LRRTM4: variants seen among roughly 807,000 people sequenced by gnomAD.
LRRTM4 encodes the protein leucine rich repeat transmembrane neuronal 4.
Under a neutral mutation model 47.6 loss-of-function variants are expected in LRRTM4, and 25 were observed. That is an observed-to-expected ratio of 0.53 (90% confidence interval 0.38 to 0.73). LRRTM4 has a LOEUF of 0.73. LRRTM4 is among the 30% of genes least tolerant of loss of function. The pLI, the probability that LRRTM4 is intolerant of heterozygous loss-of-function variation, is 0.00. For missense variants in LRRTM4, 638 were observed against 713.4 expected, an observed-to-expected ratio of 0.89 and a Z score of 1.20; for synonymous variants, 311 against 269.5, an observed-to-expected ratio of 1.15 and a Z score of -1.51.
intron 3 of LRRTM4, among the ~76,000 whole-genome samples, chr2:77,443,392 T>C (rs1216710043): frequency 2.0e-5 from 3 of 152,136 alleles, no homozygotes; most frequent in Non-Finnish European, 4.4e-5. Flanking sequence ...CCAGGGAAAA[T>C]ATAATACCCG....
chr2:76,996,488 A>G (rs940110463), intron 3 of LRRTM4, among the ~76,000 whole-genome samples: 2 of 152,112 alleles, frequency 1.3e-5, no homozygotes, highest in Admixed American at 1.3e-4. Flanking sequence ...AATTATGGAG[A>G]AAAGACAACT....
intron 3 of LRRTM4, chr2:77,517,557 A>C (rs952337993): frequency 1.0e-6 from 1 of 985,132 alleles, no homozygotes; most frequent in South Asian, 4.7e-5. Flanking sequence ...CATTCTGATT[A>C]AACACAAATA....
intron 3 of LRRTM4, among the ~76,000 whole-genome samples, chr2:76,903,510 T>C (rs1299429809): frequency 6.6e-6 from 1 of 152,154 alleles, no homozygotes; most frequent in Non-Finnish European, 1.5e-5. Context: ...CACTCCATCC[T>C]GGGCCACAGA....
chr2:76,846,392 A>G (rs1216856912), intron 3 of LRRTM4, among the ~76,000 whole-genome samples: 2 of 152,166 alleles, frequency 1.3e-5, no homozygotes, highest in Non-Finnish European at 2.9e-5. Context: ...GCTCAGAACT[A>G]ATGCTAGTAT....
chr2:76,873,947 T>A (rs182438976), intron 3 of LRRTM4, among the ~76,000 whole-genome samples: 1 of 152,088 alleles, frequency 6.6e-6, no homozygotes, highest in East Asian at 1.9e-4. Context: ...TTTTTCTACC[T>A]TAATATCAAA....
At chr2:77,462,700 C>T (rs1676835757) in intron 3 of LRRTM4, among the ~76,000 whole-genome samples, 2 of 152,074 alleles carry the variant, frequency 1.3e-5, no homozygotes, top group African/African-American at 4.8e-5. Flanking sequence ...TGATGAAATA[C>T]TCCCAAGCAA....
chr2:77,272,044 C>T (rs539187267), intron 3 of LRRTM4, among the ~76,000 whole-genome samples: 1 of 152,042 alleles, frequency 6.6e-6, no homozygotes, highest in Non-Finnish European at 1.5e-5. Context: ...ATTCTTAGTC[C>T]TCCTTCAACA....
At chr2:77,291,529 T>G (rs1021480044) in intron 3 of LRRTM4, among the ~76,000 whole-genome samples, 1 of 152,064 alleles carries the variant, frequency 6.6e-6, no homozygotes, top group African/African-American at 2.4e-5. Flanking sequence ...GCCAGTAAAG[T>G]TCAAAAGCTT....
At chr2:76,936,320 CA>C (rs2103848490) in intron 3 of LRRTM4, among the ~76,000 whole-genome samples, 1 of 151,870 alleles carries the variant, frequency 6.6e-6, no homozygotes, top group South Asian at 2.1e-4. Context: ...CCATCATTCT[CA>C]GCAAACTATC....
chr2:77,409,163 T>C (rs954734037), intron 3 of LRRTM4, among the ~76,000 whole-genome samples: 2 of 152,224 alleles, frequency 1.3e-5, no homozygotes, highest in Admixed American at 6.5e-5. Flanking sequence ...TAACTAAATA[T>C]AATAATATGT....
intron 3 of LRRTM4, among the ~76,000 whole-genome samples, chr2:77,204,639 A>G (rs1303771542): frequency 6.6e-6 from 1 of 152,114 alleles, no homozygotes; most frequent in Non-Finnish European, 1.5e-5. Context: ...TTTGTATGCC[A>G]TGATATTCTG....
intron 3 of LRRTM4, among the ~76,000 whole-genome samples, chr2:76,889,030 A>C (rs974099969): frequency 3.3e-5 from 5 of 151,934 alleles, no homozygotes; most frequent in Non-Finnish European, 7.4e-5. Context: ...ATTTTCATTT[A>C]AACACTGAAT....
intron 3 of LRRTM4, among the ~76,000 whole-genome samples, chr2:77,386,903 T>C (rs967208754): frequency 6.6e-6 from 1 of 152,168 alleles, no homozygotes; most frequent in African/African-American, 2.4e-5. Context: ...TGTATACCTA[T>C]GTAACGAAAC....
intron 3 of LRRTM4, among the ~76,000 whole-genome samples, chr2:76,781,340 C>A (rs937867944): frequency 6.6e-6 from 1 of 151,226 alleles, no homozygotes; most frequent in East Asian, 2.0e-4. Context: ...TGGCGGGCAC[C>A]CCTCCCCCAG....
intron 3 of LRRTM4, among the ~76,000 whole-genome samples, chr2:76,925,886 T>C (rs567354019): frequency 6.6e-6 from 1 of 152,236 alleles, no homozygotes; most frequent in East Asian, 1.9e-4. Flanking sequence ...AATGAAAGCA[T>C]CCTAAAAAGA....
chr2:77,016,045 C>T (rs567571934), intron 3 of LRRTM4, among the ~76,000 whole-genome samples: 37 of 151,664 alleles, frequency 2.4e-4, no homozygotes, highest in Non-Finnish European at 4.4e-4. Context: ...CACGCCACTG[C>T]GCTCCAGCCT....
chr2:76,938,918 T>C (rs916106675), intron 3 of LRRTM4, among the ~76,000 whole-genome samples: 2 of 152,164 alleles, frequency 1.3e-5, no homozygotes, highest in African/African-American at 4.8e-5. Flanking sequence ...ACTAGTCTTA[T>C]GAGATTTCAA....
intron 3 of LRRTM4, among the ~76,000 whole-genome samples, chr2:77,350,154 C>G (rs1210210091): frequency 6.7e-6 from 1 of 148,258 alleles, no homozygotes; most frequent in Non-Finnish European, 1.5e-5. Context: ...AACCCCGTCT[C>G]TACTAAAAAA....
chr2:77,258,974 G>A (rs1467608950), intron 3 of LRRTM4, among the ~76,000 whole-genome samples: 3 of 151,930 alleles, frequency 2.0e-5, no homozygotes, highest in Non-Finnish European at 2.9e-5. Flanking sequence ...AGGCCTGAAG[G>A]AGCAGGGAAT....
Sources: gnomAD v4.1 joint callset for allele counts (sites outside exome capture counted in the v4.1 genomes callset) on GRCh38, gnomAD v4.1.1 for gene constraint, MANE v1.5 for transcripts, NCBI Gene and HGNC (gene_info 2026-07-23, HGNC 2026-07-21) for gene names.